DMC1: variants seen among roughly 807,000 people sequenced by gnomAD.
DMC1 encodes the protein DNA meiotic recombinase 1.
DMC1 carries 27 observed loss-of-function variants against 50.1 expected under a neutral mutation model. That is an observed-to-expected ratio of 0.54 (90% confidence interval 0.40 to 0.74). The LOEUF (loss-of-function observed/expected upper bound fraction) is 0.74. DMC1 is among the 30% of genes least tolerant of loss of function. The pLI, the probability that DMC1 is intolerant of heterozygous loss-of-function variation, is 0.00. For synonymous variants in DMC1, 148 were observed against 136.1 expected (o/e 1.09, Z -0.61); for missense variants, 295 against 420.2 (o/e 0.70, Z 2.60).
At chr22:38,564,004 C>T (rs767210669) in intron 4 of DMC1, among the ~76,000 whole-genome samples, 1 of 151,734 alleles carries the variant, frequency 6.6e-6, no homozygotes, top group East Asian at 1.9e-4. Flanking sequence ...CCGGCCTCCA[C>T]AAAAATTTTT....
At chr22:38,542,658 C>T (rs867637584) in intron 8 of DMC1, among the ~76,000 whole-genome samples, 7 of 152,108 alleles carry the variant, frequency 4.6e-5, no homozygotes, top group Admixed American at 6.6e-5. Flanking sequence ...CAATGCAATT[C>T]CTATCAAAAT....
the DMC1 span, among the ~76,000 whole-genome samples, chr22:38,511,735 G>C: frequency 7.2e-5 from 11 of 152,210 alleles, no homozygotes; most frequent in East Asian, 1.2e-3. Flanking sequence ...TGAGTACCTA[G>C]GTCTACAGGT....
At chr22:38,568,823 C>T (rs1354366061) in intron 1 of DMC1, among the ~76,000 whole-genome samples, 1 of 152,112 alleles carries the variant, frequency 6.6e-6, no homozygotes, top group Non-Finnish European at 1.5e-5. Context: ...CTGTAACATC[C>T]ACCTTTTTGT....
At chr22:38,514,737 C>T, downstream of DMC1, among the ~76,000 whole-genome samples, 1 of 152,170 alleles carries the variant, frequency 6.6e-6, no homozygotes, top group East Asian at 1.9e-4. Flanking sequence ...AGCGCCATGA[C>T]AGTTTACAAA....
intron 7 of DMC1, among the ~76,000 whole-genome samples, chr22:38,550,293 TTTTC>T (rs2090389197): frequency 1.3e-5 from 2 of 151,674 alleles, no homozygotes; most frequent in East Asian, 1.9e-4. Flanking sequence ...ATATTACTAA[TTTTC>T]TTTCTTTTTC....
At chr22:38,517,388 G>A (rs993355147), downstream of DMC1, among the ~76,000 whole-genome samples, 1 of 152,034 alleles carries the variant, frequency 6.6e-6, no homozygotes, top group East Asian at 1.9e-4. Flanking sequence ...GGCTAACATG[G>A]TGAAACCCCA....
At chr22:38,566,867 C>A (rs2090586138) in intron 3 of DMC1, 131 bp from the exon 4 acceptor site, 1 of 876,376 alleles carries the variant, frequency 1.1e-6, no homozygotes, top group Admixed American at 2.0e-5. Flanking sequence ...CCAGGTGGAA[C>A]CCACCCACCA....
At position 38,519,996 on chromosome 22, in the gene DMC1, A is replaced by T. The variant is rs750148316; in HGVS notation, c.*24T>A. On this transcript the variant is annotated 3_prime_UTR_variant, in exon 14 of 14. Transcript: ENST00000216024. ...TCTTCAGCTCCTAATAAGCACTAAG[A>T]AGCAATTTGCATCAATTCACCACCT... 6.2e-7 allele frequency: 1 copy of T among 1,601,520 alleles called. No individual in the cohort carries two copies. The highest frequency in any genetic ancestry group is 8.6e-7 in the Non-Finnish European group (1 of 1,168,754).
intron 2 of DMC1, 34 bp from the exon 3 acceptor site, chr22:38,567,661 G>T (rs781156266): frequency 4.1e-6 from 6 of 1,474,334 alleles, no homozygotes; most frequent in Admixed American, 3.4e-5. Context: ...ATGAAGTTTT[G>T]ATTCTTCATA....
At chr22:38,563,398 C>A (rs1022210106) in intron 4 of DMC1, among the ~76,000 whole-genome samples, 1 of 152,158 alleles carries the variant, frequency 6.6e-6, no homozygotes, top group African/African-American at 2.4e-5. Context: ...AGGTCCTATC[C>A]TACTTGAGTG....
At chr22:38,568,451 TTG>T (rs11570378) in intron 1 of DMC1, 162 bp from the exon 2 acceptor site, 34,423 of 532,700 alleles carry the variant, frequency 0.065, 446 homozygotes, top group East Asian at 0.17. Context: ...ACATTATTTC[TTG>T]TGTGTGTGTG....
At position 38,557,956 on chromosome 22, in the gene DMC1, C is replaced by CTTTTTTTTTTTTTTT. The variant is rs753724944; in HGVS notation, c.327-2562_327-2548dup. Among the ~76,000 whole-genome samples, 20 of 62,696 alleles carry CTTTTTTTTTTTTTTT rather than the reference C, an allele frequency of 3.2e-4. 1 individual carries two copies. The highest frequency in any genetic ancestry group is 5.6e-4 in the African/African-American group (9 of 16,068). 41.1% of individuals were successfully genotyped at this position (62,696 alleles called of 152,430 possible). A position where few individuals can be genotyped will look rare whatever the true frequency, so the allele number is the denominator to read the frequency against. ...AATAATTAGATAATTAGACAAAGTT[C>CTTTTTTTTTTTTTTT]TTTTTTTTTTTTTTTTTTTTTTTTG... On this transcript the variant is annotated intron_variant, in intron 5 of 13. Coordinates refer to ENST00000216024, the MANE Select transcript of DMC1 (RefSeq NM_007068.4).
At chr22:38,528,827 A>G (rs767781774) in intron 12 of DMC1, among the ~76,000 whole-genome samples, 41 of 152,148 alleles carry the variant, frequency 2.7e-4, no homozygotes, top group Non-Finnish European at 1.2e-4. Flanking sequence ...ACTATTATTT[A>G]ACTAAACAAT....
At chr22:38,565,501 G>C (rs759399242) in intron 4 of DMC1, among the ~76,000 whole-genome samples, 1 of 152,214 alleles carries the variant, frequency 6.6e-6, no homozygotes, top group Non-Finnish European at 1.5e-5. Flanking sequence ...TAATTTGCAC[G>C]TAATTAAAAG....
rs978689136 is a variant in DMC1, at chr22:38,529,019, C to CT, written c.837-7296dup. ...TTTTCTTCTATTTCTTTCTTTCTTT[C>CT]TTTTTTTTTTGACGGAGTTTCGCTC... On this transcript the variant is annotated intron_variant, in intron 12 of 13. Coordinates refer to ENST00000216024, the MANE Select transcript of DMC1 (RefSeq NM_007068.4). 1.9e-3 allele frequency among the ~76,000 whole-genome samples: 286 copies of CT among 148,030 alleles called. 2 individuals carry two copies. Among genetic ancestry groups the CT allele is most frequent in the South Asian group, 8.8e-3 (41 of 4,658 alleles).
intron 12 of DMC1, among the ~76,000 whole-genome samples, chr22:38,526,228 G>A (rs769530840): frequency 2.6e-5 from 4 of 151,148 alleles, no homozygotes; most frequent in East Asian, 1.9e-4. Flanking sequence ...TTTTTGAGAC[G>A]GAGTCTTGCT....
chr22:38,551,074 C>G (rs993845220), intron 7 of DMC1, among the ~76,000 whole-genome samples: 4 of 150,928 alleles, frequency 2.7e-5, no homozygotes, highest in Non-Finnish European at 5.9e-5. Flanking sequence ...AACCCCATCT[C>G]TACTGAAAAT....
chr22:38,563,408 G>A (rs976175512), intron 4 of DMC1, among the ~76,000 whole-genome samples: 1 of 152,170 alleles, frequency 6.6e-6, no homozygotes, highest in African/African-American at 2.4e-5. Context: ...CTACTTGAGT[G>A]AGCCAAGTCT....
At chr22:38,539,509 G>T in intron 8 of DMC1, 97 bp from the exon 9 acceptor site, 1 of 923,858 alleles carries the variant, frequency 1.1e-6, no homozygotes. Flanking sequence ...TAACAGAGAA[G>T]CCAAACAATG....
Sources: gnomAD v4.1 joint callset for allele counts (sites outside exome capture counted in the v4.1 genomes callset) on GRCh38, gnomAD v4.1.1 for gene constraint, MANE v1.5 for transcripts, NCBI Gene and HGNC (gene_info 2026-07-23, HGNC 2026-07-21) for gene names.